The following IQANK1 variants were observed in gnomAD, a reference collection of about 807,000 sequenced individuals.
The protein encoded by IQANK1 is IQ motif and ankyrin repeat containing 1, also known as IQ motif and ankyrin repeat domain-containing protein 1.
Under a neutral mutation model 22.6 loss-of-function variants are expected in IQANK1, and 30 were observed. That is an observed-to-expected ratio of 1.33 (90% CI 0.99 to 1.80). IQANK1 has a LOEUF of 1.80. Among genes scored for constraint, IQANK1 ranks in the 40% most tolerant of loss-of-function variants. The pLI, the probability that IQANK1 is intolerant of heterozygous loss-of-function variation, is 0.00. For synonymous variants in IQANK1, 122 were observed against 99.6 expected (o/e 1.23, Z -1.34); for missense variants, 275 against 235.2 (o/e 1.17, Z -1.11).
chr8:143,779,862 C>T (rs79114279), intron 7 of IQANK1, among the ~76,000 whole-genome samples: 4,750 of 152,290 alleles, frequency 0.031, 234 homozygotes, highest in African/African-American at 0.1. Flanking sequence ...AAATGAGTAT[C>T]ACAATTTCTT....
At chr8:143,765,182 C>G (rs1403943810) in intron 3 of IQANK1, among the ~76,000 whole-genome samples, 1 of 151,996 alleles carries the variant, frequency 6.6e-6, no homozygotes, top group African/African-American at 2.4e-5. Flanking sequence ...GTGGTAAAAC[C>G]CCGTCTCTAC....
intron 3 of IQANK1, among the ~76,000 whole-genome samples, chr8:143,763,305 T>C (rs1279393347): frequency 2.0e-5 from 3 of 152,246 alleles, no homozygotes; most frequent in Admixed American, 2.0e-4. Context: ...TGAGCCACCG[T>C]GCCCGGCCTG....
intron 7 of IQANK1, among the ~76,000 whole-genome samples, chr8:143,782,318 T>C (rs1819809822): frequency 6.6e-6 from 1 of 152,172 alleles, no homozygotes; most frequent in East Asian, 1.9e-4. Context: ...TCTTGCCTGA[T>C]TGCTCTGGCT....
chr8:143,748,987 A>G (rs1587476906), intron 3 of IQANK1, among the ~76,000 whole-genome samples: 2 of 72,568 alleles, frequency 2.8e-5, no homozygotes, highest in South Asian at 8.7e-4. Context: ...TATATCATAT[A>G]TAAATATATA....
chr8:143,785,831 A>T (rs1819875431), intron 7 of IQANK1, among the ~76,000 whole-genome samples: 1 of 151,936 alleles, frequency 6.6e-6, no homozygotes, highest in Non-Finnish European at 1.5e-5. Flanking sequence ...GATTCAAGCA[A>T]TTCTCCTGCC....
intron 3 of IQANK1, among the ~76,000 whole-genome samples, chr8:143,762,747 G>C (rs1819416871): frequency 6.6e-6 from 1 of 152,200 alleles, no homozygotes; most frequent in African/African-American, 2.4e-5. Context: ...ACTTGGAACA[G>C]CAGCTGCAAG....
chr8:143,761,822 C>A (rs375847198), intron 3 of IQANK1, among the ~76,000 whole-genome samples: 4 of 136,626 alleles, frequency 2.9e-5, no homozygotes, highest in South Asian at 2.4e-4. Context: ...TTTTTTTTTG[C>A]AGGAAGTGTT....
At position 143,774,432 on chromosome 8, in the gene IQANK1, A is replaced by T. The variant is rs915968303; in HGVS notation, c.789+1950A>T. Among the ~76,000 whole-genome samples, 4 of 152,200 alleles carry T rather than the reference A, an allele frequency of 2.6e-5. No individual in the cohort carries two copies. The highest frequency in any genetic ancestry group is 9.7e-5 in the African/African-American group (4 of 41,448). ...ACCAAAGAGGATCTAATGATGGCAG[A>T]TGAACACCCGAGGAGGTGTTGCACA... On this transcript the variant is annotated intron_variant, in intron 7 of 13. Coordinates refer to ENST00000527139, the MANE Select transcript of IQANK1 (RefSeq NM_001381874.1). This position sits in a 1 kb window ranked among gnomAD's most constrained non-coding sequence, Gnocchi z 4.2.
intron 7 of IQANK1, among the ~76,000 whole-genome samples, chr8:143,780,261 A>C (rs1819772423): frequency 6.6e-6 from 1 of 152,202 alleles, no homozygotes; most frequent in Non-Finnish European, 1.5e-5. Flanking sequence ...TATTATTAAT[A>C]TTCCTACATT....
chr8:143,753,710 C>T (rs1475508643), intron 3 of IQANK1, among the ~76,000 whole-genome samples: 1 of 152,134 alleles, frequency 6.6e-6, no homozygotes, highest in African/African-American at 2.4e-5. Flanking sequence ...CTGCCTCGGC[C>T]TCCCAAAATG....
chr8:143,771,935 C>A lies in IQANK1; in HGVS notation c.441C>A (p.Asp147Glu), dbSNP rs1554629825. Residue 147 changes from aspartate (D) to glutamate (E), a missense_variant, in exon 5 of 14, where the codon GAC (aspartate) becomes GAA (glutamate). Asp to Glu is a conservative substitution (Grantham distance 45). Transcript: ENST00000527139. The surrounding 1 kb of genome is among the most constrained non-coding windows in gnomAD (Gnocchi z 6.0). ...TGCTGGACGCCGCCTTCGACGGGGACGTGGGCGAGATCCGGGCGGTGCTGA... is the reference window on the plus strand; with the variant it reads ...TGCTGGACGCCGCCTTCGACGGGGAAGTGGGCGAGATCCGGGCGGTGCTGA... ...RRLLDAAFDG[D>E]VGEIRAVLKE... is the part of the protein sequence containing the mutation. 2.6e-6 allele frequency: 1 copy of A among 380,016 alleles called. No individual in the cohort carries two copies. Among genetic ancestry groups the A allele is most frequent in the East Asian group, 3.7e-5 (1 of 27,246 alleles). 23.5% of individuals were successfully genotyped at this position (380,016 alleles called of 1,614,324 possible). A position where few individuals can be genotyped will look rare whatever the true frequency, so the allele number is the denominator to read the frequency against.
intron 7 of IQANK1, among the ~76,000 whole-genome samples, chr8:143,781,343 A>C (rs1480190992): frequency 2.0e-5 from 3 of 151,876 alleles, no homozygotes; most frequent in Non-Finnish European, 4.4e-5. Flanking sequence ...CTACTTGTCA[A>C]TTTTTGCTTT....
chr8:143,759,514 T>C (rs561237823), intron 3 of IQANK1: 2 of 152,366 alleles, frequency 1.3e-5, no homozygotes, highest in East Asian at 3.9e-4. Flanking sequence ...TGAATGATTA[T>C]AGGGAGAAAA....
At chr8:143,757,339 CTT>C (rs781980396) in intron 3 of IQANK1, among the ~76,000 whole-genome samples, 19 of 143,208 alleles carry the variant, frequency 1.3e-4, no homozygotes, top group African/African-American at 2.3e-4. Flanking sequence ...ATGTGTCTTT[CTT>C]TTTTTTTTTT....
intron 7 of IQANK1, among the ~76,000 whole-genome samples, chr8:143,775,080 G>A (rs1034817078): frequency 4.6e-5 from 7 of 152,006 alleles, no homozygotes; most frequent in Admixed American, 2.0e-4. Context: ...TGGTCGTAAC[G>A]CAAAACTGCA....
chr8:143,746,796 G>C (rs1328210461), intron 3 of IQANK1, among the ~76,000 whole-genome samples: 1 of 152,092 alleles, frequency 6.6e-6, no homozygotes, highest in East Asian at 1.9e-4. Flanking sequence ...TTAGGAATTT[G>C]TCCACTTCAT....
chr8:143,752,995 C>CATTT (rs1563771948), intron 3 of IQANK1, among the ~76,000 whole-genome samples: 1 of 74,700 alleles, frequency 1.3e-5, no homozygotes, highest in African/African-American at 4.8e-5. Flanking sequence ...ACTCTCTGTT[C>CATTT]GTTTTTTTTT....
chr8:143,740,858 G>T (rs1554626388), intron 3 of IQANK1, among the ~76,000 whole-genome samples: 1 of 152,248 alleles, frequency 6.6e-6, no homozygotes, highest in Non-Finnish European at 1.5e-5. Flanking sequence ...TGTTTGATAA[G>T]AGCCTCAGGG....
At chr8:143,754,443 GC>G (rs1554628342) in intron 3 of IQANK1, among the ~76,000 whole-genome samples, 2 of 152,178 alleles carry the variant, frequency 1.3e-5, no homozygotes, top group African/African-American at 4.8e-5. Flanking sequence ...GGATGCGCCT[GC>G]AAGCTCCCAT....
Sources: gnomAD v4.1 joint callset for allele counts (sites outside exome capture counted in the v4.1 genomes callset) on GRCh38, gnomAD v4.1.1 for gene constraint, Gnocchi (gnomAD v3.1) non-coding constraint, MANE v1.5 for transcripts, NCBI Gene and HGNC (gene_info 2026-07-23, HGNC 2026-07-21) for gene names.